PPARGC1B: variants seen among roughly 807,000 people sequenced by gnomAD.
PPARGC1B encodes peroxisome proliferator-activated receptor gamma coactivator 1-beta.
Under a neutral mutation model 101.6 loss-of-function variants are expected in PPARGC1B, and 34 were observed. The ratio of observed to expected loss-of-function variants is 0.33; its 90% CI spans 0.25 to 0.45. The LOEUF (loss-of-function observed/expected upper bound fraction) is 0.45, where lower values mean the gene tolerates loss of function less well. PPARGC1B is among the 20% of genes least tolerant of loss of function. The pLI is 1.00. For synonymous variants in PPARGC1B, 548 were observed against 539.3 expected, an observed-to-expected ratio of 1.02 and a Z score of -0.22; for missense variants, 1,234 against 1,317.6, an observed-to-expected ratio of 0.94 and a Z score of 0.98.
chr5:149,831,496 G>A (rs1758782463), intron 4 of PPARGC1B, among the ~76,000 whole-genome samples: 1 of 152,212 alleles, frequency 6.6e-6, no homozygotes, highest in East Asian at 1.9e-4. Context: ...CTCTCAGACA[G>A]CAGCTCAGTG....
rs147492721 is a variant in PPARGC1B at position 149,836,332 on chromosome 5, A to G, written c.1877A>G (p.His626Arg). The change falls in exon 8 of 12, where the codon CAT becomes CGT. Residue 626 changes from histidine to arginine, a missense_variant. Around this residue, in one of 3 missense-constraint regions of PPARGC1B, gnomAD observed 497 missense variants for 529.5 expected, o/e 0.94. Coordinates refer to ENST00000309241, the MANE Select transcript of PPARGC1B (RefSeq NM_133263.4). ...EEDPFKPDIK[H>R]SLGKEIALSL... ...GATCCCTTCAAACCAGACATCAAGCATAGTCTAGGCAAAGAAATAGCTCTC... is the reference window on the plus strand; with the variant it reads ...GATCCCTTCAAACCAGACATCAAGCGTAGTCTAGGCAAAGAAATAGCTCTC... 3.1e-6 allele frequency: 5 copies of G among 1,613,754 alleles called. No homozygotes were observed. In the African/African-American group the frequency reaches 6.7e-5, roughly 22 times the overall value.
intron 1 of PPARGC1B, among the ~76,000 whole-genome samples, chr5:149,750,950 A>C (rs988843131): frequency 6.6e-6 from 1 of 152,356 alleles, no homozygotes; most frequent in African/African-American, 2.4e-5. Context: ...TGTAAAAGCA[A>C]TTTTGAAGAG....
chr5:149,740,009 C>G (rs1383002942), intron 1 of PPARGC1B: 3 of 152,222 alleles, frequency 2.0e-5, no homozygotes, highest in Non-Finnish European at 4.4e-5. Context: ...GACCGAATTG[C>G]TACCCAGATC....
At chr5:149,762,960 A>AT (rs1235978334) in intron 1 of PPARGC1B, among the ~76,000 whole-genome samples, 11 of 151,954 alleles carry the variant, frequency 7.2e-5, no homozygotes, top group Admixed American at 3.3e-4. Context: ...CACATTTTTA[A>AT]TTTTTTTGTA....
Position 149,749,359 on chromosome 5 carries a change from C to A in PPARGC1B, c.78+18939C>A, listed in dbSNP as rs190225833. Reference sequence around the variant, plus strand: ...AGGCCCAGGGATGTGAAGTGACTTACCCGCTGAGGTCACTGTTGTAGGAAC... The same window carrying A: ...AGGCCCAGGGATGTGAAGTGACTTAACCGCTGAGGTCACTGTTGTAGGAAC... On this transcript the variant is annotated intron_variant, in intron 1 of 11. Coordinates refer to ENST00000309241, the MANE Select transcript of PPARGC1B (RefSeq NM_133263.4). Among the ~76,000 whole-genome samples, 38 of 152,318 alleles carry A rather than the reference C, an allele frequency of 2.5e-4. No homozygotes were observed. The East Asian group carries it at 7.1e-3, about 29-fold the overall frequency.
At position 149,730,545 on chromosome 5, in the gene PPARGC1B, G is replaced by A; in HGVS notation, c.78+125G>A. ...GGGTAACTGGGGGTTCCAGGCTGCA[G>A]AGCCCCCCTTCCAGGCGCCCTGCGA... On this transcript the variant is annotated intron_variant, in intron 1 of 11. Coordinates refer to ENST00000309241, the MANE Select transcript of PPARGC1B (RefSeq NM_133263.4). The surrounding 1 kb of genome is among the most constrained non-coding windows in gnomAD (Gnocchi z 4.0). The A allele has an allele frequency of 1.5e-6, 1 of 689,406 alleles. No homozygotes were observed. The highest frequency in any genetic ancestry group is 2.3e-6 in the Non-Finnish European group (1 of 440,468). The allele number at this position is 689,406 out of a possible 1,614,324, so 42.7% of individuals were successfully genotyped here.
chr5:149,743,253 T>A (rs1367224079), intron 1 of PPARGC1B, among the ~76,000 whole-genome samples: 3 of 151,776 alleles, frequency 2.0e-5, no homozygotes, highest in Non-Finnish European at 4.4e-5. Flanking sequence ...CCTCCTGGGT[T>A]CAACTGATTC....
In PPARGC1B at chr5:149,843,418, A is replaced by T. The variant is rs1038088377; in HGVS notation, c.2816+1041A>T. Among the ~76,000 whole-genome samples, 10 of 152,228 alleles carry T rather than the reference A, an allele frequency of 6.6e-5. No individual in the cohort carries two copies. In the East Asian group the frequency reaches 1.9e-3, roughly 29 times the overall value. On this transcript the variant is annotated intron_variant, in intron 10 of 11. Coordinates refer to ENST00000309241, the MANE Select transcript of PPARGC1B (RefSeq NM_133263.4). ...AATAATAATAGAAAGCTTCAGCAAG[A>T]AAAGAGTTTCTGGTGTAAGAGTTAT...
In PPARGC1B at chr5:149,789,239, G is replaced by A. The variant is rs568173939; in HGVS notation, c.79-31194G>A. Reference sequence around the variant, plus strand: ...AGTAGCCATTCCTTTACTTTTTTCAGCTCTCTTACTTTAGACATGAATCAA... The same window carrying A: ...AGTAGCCATTCCTTTACTTTTTTCAACTCTCTTACTTTAGACATGAATCAA... On this transcript the variant is annotated intron_variant, in intron 1 of 11. Transcript: ENST00000309241. Among the ~76,000 whole-genome samples, 28 of 152,150 alleles carry A rather than the reference G, an allele frequency of 1.8e-4. No individual in the cohort carries two copies. In the South Asian group the frequency reaches 5.2e-3, roughly 28 times the overall value.
intron 1 of PPARGC1B, among the ~76,000 whole-genome samples, chr5:149,807,903 G>A (rs1757662556): frequency 6.6e-6 from 1 of 152,140 alleles, no homozygotes; most frequent in Non-Finnish European, 1.5e-5. Flanking sequence ...CCGCCCAGGT[G>A]AGGGCTAAGG....
intron 1 of PPARGC1B, among the ~76,000 whole-genome samples, chr5:149,731,044 G>C (rs563843303): frequency 6.6e-6 from 1 of 152,202 alleles, no homozygotes; most frequent in South Asian, 2.1e-4. Context: ...GGAGCCCCCT[G>C]GGGGGAAAAG....
At chr5:149,759,033 A>G (rs1196155808) in intron 1 of PPARGC1B, among the ~76,000 whole-genome samples, 1 of 152,154 alleles carries the variant, frequency 6.6e-6, no homozygotes, top group Non-Finnish European at 1.5e-5. Context: ...GGAAATAAAA[A>G]CCACCCATAA....
downstream of PPARGC1B, among the ~76,000 whole-genome samples, chr5:149,856,298 C>T (rs1289602536): frequency 6.6e-6 from 1 of 152,156 alleles, no homozygotes; most frequent in Admixed American, 6.5e-5. Context: ...CAAGGGAACA[C>T]ATCATGATTT....
intron 1 of PPARGC1B, among the ~76,000 whole-genome samples, chr5:149,784,308 C>T (rs1401791002): frequency 2.0e-5 from 3 of 152,058 alleles, no homozygotes; most frequent in African/African-American, 7.2e-5. Context: ...TCAGAGGCCA[C>T]GCTCTCACAA....
At chr5:149,734,552 GTTTAA>G (rs1754627841) in intron 1 of PPARGC1B, among the ~76,000 whole-genome samples, 2 of 152,052 alleles carry the variant, frequency 1.3e-5, no homozygotes, top group East Asian at 1.9e-4. Flanking sequence ...CATTTACGTT[GTTTAA>G]TTTTTTTATT....
chr5:149,789,415 T>A (rs1209168027), intron 1 of PPARGC1B, among the ~76,000 whole-genome samples: 2 of 152,204 alleles, frequency 1.3e-5, no homozygotes, highest in Non-Finnish European at 2.9e-5. Context: ...TTTCCTCATC[T>A]GCAAAGTAGG....
At chr5:149,830,367 A>T (rs1235955967) in intron 3 of PPARGC1B, among the ~76,000 whole-genome samples, 2 of 152,008 alleles carry the variant, frequency 1.3e-5, no homozygotes, top group Non-Finnish European at 2.9e-5. Context: ...ATACCAGAGA[A>T]TCATTTTGGT....
chr5:149,731,536 G>T (rs998753424), intron 1 of PPARGC1B, among the ~76,000 whole-genome samples: 1 of 152,030 alleles, frequency 6.6e-6, no homozygotes, highest in Non-Finnish European at 1.5e-5. Context: ...GGCGCGGCTC[G>T]CGGGGGCTGG....
intron 1 of PPARGC1B, among the ~76,000 whole-genome samples, chr5:149,774,132 G>A (rs991759515): frequency 2.0e-5 from 3 of 152,208 alleles, no homozygotes; most frequent in Non-Finnish European, 4.4e-5. Flanking sequence ...TTTGGGGAGA[G>A]GCCATGGTGA....
Sources: allele counts gnomAD v4.1 joint callset (sites outside exome capture counted in the v4.1 genomes callset), GRCh38; gene constraint gnomAD v4.1.1; regional missense constraint gnomAD v4.1.1; non-coding constraint Gnocchi (gnomAD v3.1); transcripts MANE v1.5; gene names NCBI Gene and HGNC (gene_info 2026-07-23, HGNC 2026-07-21).